DGKB: variants seen among roughly 807,000 people sequenced by gnomAD.
DGKB encodes 90 kDa diacylglycerol kinase.
DGKB carries 67 observed loss-of-function variants against 114.3 expected under a neutral mutation model. That is an observed-to-expected ratio of 0.59 (90% CI 0.48 to 0.72). The LOEUF is 0.72. Among genes scored for constraint, DGKB ranks in the 30% least tolerant of loss-of-function variants. The probability of loss-of-function intolerance (pLI) is 0.00; values close to 1 mark genes in which losing one functional copy is unlikely to be tolerated. For synonymous variants in DGKB, 398 were observed against 323.1 expected (o/e 1.23, Z -2.49); for missense variants, 907 against 975.2 (o/e 0.93, Z 0.93).
intron 15 of DGKB, 63 bp downstream of exon 15, chr7:14,621,315 C>G: frequency 1.1e-6 from 1 of 915,050 alleles, no homozygotes; most frequent in Non-Finnish European, 1.8e-6. Flanking sequence ...GAACATATGC[C>G]CCTTTAGAGC....
chr7:14,788,981 C>T (rs560610356), intron 2 of DGKB, among the ~76,000 whole-genome samples: 27 of 152,206 alleles, frequency 1.8e-4, no homozygotes, highest in Admixed American at 1.6e-3. Context: ...GCACTCCAGG[C>T]GTGCCGAAGG....
intron 2 of DGKB, among the ~76,000 whole-genome samples, chr7:14,782,867 T>C (rs1458077769): frequency 6.6e-6 from 1 of 152,044 alleles, no homozygotes; most frequent in African/African-American, 2.4e-5. Flanking sequence ...TGCGGTCTTG[T>C]TCTGTGGCCC....
At chr7:14,885,042 C>T (rs1587178539) in intron 1 of DGKB, among the ~76,000 whole-genome samples, 2 of 151,966 alleles carry the variant, frequency 1.3e-5, no homozygotes, top group Non-Finnish European at 2.9e-5. Context: ...TTCCTGGGAG[C>T]ACAGAAAAAT....
intron 2 of DGKB, among the ~76,000 whole-genome samples, chr7:14,762,473 A>C (rs1042398292): frequency 1.3e-5 from 2 of 152,164 alleles, no homozygotes; most frequent in African/African-American, 4.8e-5. Context: ...AACGATTTTC[A>C]AGAAAAATTA....
intron 2 of DGKB, among the ~76,000 whole-genome samples, chr7:14,832,564 A>G (rs889132073): frequency 2.0e-5 from 3 of 152,094 alleles, no homozygotes; most frequent in Admixed American, 1.3e-4. Flanking sequence ...ATTCTAAATG[A>G]TAAAGACTCG....
chr7:14,440,627 A>G (rs1258619033), intron 21 of DGKB, among the ~76,000 whole-genome samples: 1 of 152,198 alleles, frequency 6.6e-6, no homozygotes, highest in East Asian at 1.9e-4. Flanking sequence ...TTGCTAACAC[A>G]GTCTACTTAC....
At chr7:14,360,843 T>C (rs1013754675) in intron 21 of DGKB, among the ~76,000 whole-genome samples, 6 of 152,130 alleles carry the variant, frequency 3.9e-5, no homozygotes. Context: ...TTTGCTTTCA[T>C]CACTGAAAGG....
intron 23 of DGKB, among the ~76,000 whole-genome samples, chr7:14,278,531 T>A (rs1011214628): frequency 1.3e-5 from 2 of 152,124 alleles, no homozygotes; most frequent in African/African-American, 2.4e-5. Flanking sequence ...CCTAAAACTA[T>A]ACGACTACTA....
intron 21 of DGKB, among the ~76,000 whole-genome samples, chr7:14,464,122 A>G (rs1453660742): frequency 1.3e-5 from 2 of 151,984 alleles, no homozygotes; most frequent in African/African-American, 4.8e-5. Flanking sequence ...GTCATATGAT[A>G]CTTTAAATTA....
chr7:14,866,472 A>G (rs369757568), intron 1 of DGKB, among the ~76,000 whole-genome samples: 45 of 152,158 alleles, frequency 3.0e-4, no homozygotes, highest in African/African-American at 1.0e-3. Flanking sequence ...CCTTTTTCAG[A>G]ATGTTATATA....
chr7:14,206,446 A>G (rs1786834132), intron 23 of DGKB, among the ~76,000 whole-genome samples: 1 of 152,054 alleles, frequency 6.6e-6, no homozygotes, highest in Admixed American at 6.6e-5. Flanking sequence ...TAGTGCTTAA[A>G]TCTACCTAGA....
chr7:14,612,896 C>G (rs1048446091), intron 16 of DGKB, among the ~76,000 whole-genome samples: 1 of 152,044 alleles, frequency 6.6e-6, no homozygotes, highest in African/African-American at 2.4e-5. Flanking sequence ...TTGTACTTCT[C>G]CAGGAAATAT....
At chr7:14,809,581 T>C (rs1028222744) in intron 2 of DGKB, among the ~76,000 whole-genome samples, 2 of 152,182 alleles carry the variant, frequency 1.3e-5, no homozygotes, top group African/African-American at 2.4e-5. Context: ...ACTAAGTTTT[T>C]ATGAGTAAAG....
chr7:14,535,867 G>T (rs573849702), intron 20 of DGKB, among the ~76,000 whole-genome samples: 1 of 152,098 alleles, frequency 6.6e-6, no homozygotes, highest in African/African-American at 2.4e-5. Flanking sequence ...TTATAGGCAT[G>T]AGCCACTGCA....
At chr7:14,347,993 G>A (rs961447842) in intron 21 of DGKB, among the ~76,000 whole-genome samples, 5 of 151,900 alleles carry the variant, frequency 3.3e-5, no homozygotes, top group African/African-American at 1.2e-4. Flanking sequence ...AAGTAACACA[G>A]AGGAGTCCAA....
At chr7:14,886,143 G>A (rs544033825) in intron 1 of DGKB, among the ~76,000 whole-genome samples, 38 of 151,834 alleles carry the variant, frequency 2.5e-4, no homozygotes, top group African/African-American at 8.4e-4. Context: ...TGTCTAGTAC[G>A]GGCAGAAATT....
At chr7:14,641,572 T>C (rs1048172916) in intron 13 of DGKB, among the ~76,000 whole-genome samples, 4 of 152,096 alleles carry the variant, frequency 2.6e-5, no homozygotes, top group African/African-American at 9.6e-5. Flanking sequence ...ATAGATGTAA[T>C]GTAGAATTTA....
chr7:14,736,648 G>A (rs1242817956), intron 4 of DGKB, among the ~76,000 whole-genome samples: 2 of 152,088 alleles, frequency 1.3e-5, no homozygotes, highest in South Asian at 2.1e-4. Context: ...TGTCACTAAT[G>A]GTGATTATCG....
chr7:14,731,083 G>C (rs1386475805), intron 5 of DGKB, among the ~76,000 whole-genome samples: 1 of 152,154 alleles, frequency 6.6e-6, no homozygotes, highest in Non-Finnish European at 1.5e-5. Flanking sequence ...AGTATTTTGT[G>C]ATTAACTAAA....
Sources: gnomAD v4.1 joint callset for allele counts (sites outside exome capture counted in the v4.1 genomes callset) on GRCh38, gnomAD v4.1.1 for gene constraint, MANE v1.5 for transcripts, NCBI Gene and HGNC (gene_info 2026-07-23, HGNC 2026-07-21) for gene names.